ELP1: variants seen among roughly 807,000 people sequenced by gnomAD.
ELP1 encodes the protein elongator acetyltransferase complex subunit 1.
A neutral mutation model predicts 183.2 loss-of-function variants in ELP1; 131 were observed. The ratio of observed to expected loss-of-function variants is 0.72; its 90% CI spans 0.62 to 0.83. The LOEUF (loss-of-function observed/expected upper bound fraction) is 0.83. Among genes scored for constraint, ELP1 ranks in the 40% least tolerant of loss-of-function variants. ELP1 has a pLI of 0.00. For missense variants in ELP1, 1,550 were observed against 1,594.9 expected, an observed-to-expected ratio of 0.97 and a Z score of 0.48; for synonymous variants, 555 against 569.0, an observed-to-expected ratio of 0.98 and a Z score of 0.35.
intron 26 of ELP1, 107 bp downstream of exon 26, chr9:108,893,836 G>A: frequency 1.7e-6 from 2 of 1,182,624 alleles, no homozygotes; most frequent in East Asian, 2.4e-5. Flanking sequence ...GTTTTCAGGA[G>A]TGGGAAGTGA....
At chr9:108,912,570 G>A in intron 10 of ELP1, 76 bp from the exon 11 acceptor site, 2 of 1,030,158 alleles carry the variant, frequency 1.9e-6, no homozygotes, top group South Asian at 1.3e-5. Flanking sequence ...GGGGTTCAAG[G>A]GCAATCTTTT....
intron 6 of ELP1, among the ~76,000 whole-genome samples, chr9:108,921,540 C>T (rs1829646653): frequency 6.6e-6 from 1 of 151,464 alleles, no homozygotes. Flanking sequence ...CAACTATTTA[C>T]TTGGTCAAGT....
chr9:108,899,299 C>G (rs75855796), intron 20 of ELP1, among the ~76,000 whole-genome samples: 1 of 130,090 alleles, frequency 7.7e-6, no homozygotes, highest in East Asian at 2.3e-4. Flanking sequence ...GACTCTGTCT[C>G]AAAAAAAAAA....
rs180931232 is a variant in ELP1, at chr9:108,893,036, A to T, written c.2908T>A (p.Leu970Met). 34 of 1,613,978 alleles carry T rather than the reference A, an allele frequency of 2.1e-5. No homozygotes were observed. Among genetic ancestry groups the T allele is most frequent in the Middle Eastern group, 1.7e-4 (1 of 6,060 alleles). The change falls in exon 27 of 37, where the codon TTG (leucine) becomes ATG (methionine). Residue 970 changes from leucine to methionine, a missense_variant. Coordinates refer to ENST00000374647, the MANE Select transcript of ELP1 (RefSeq NM_003640.5). ...ECLNLIKDKNLYNEALKLYSP... is the reference protein window; with the variant it reads ...ECLNLIKDKNMYNEALKLYSP... The stretch of plus-strand genomic sequence containing the variant: ...TATAACTTCAGAGCTTCGTTATACA[A>T]GTTTTTATCTTTTATCAAGTTTAAG...
intron 25 of ELP1, among the ~76,000 whole-genome samples, chr9:108,896,242 G>A (rs974901206): frequency 6.6e-6 from 1 of 152,140 alleles, no homozygotes; most frequent in Non-Finnish European, 1.5e-5. Context: ...GGGCGACTGA[G>A]TGAGACTCCG....
At chr9:108,872,310 A>T (rs1037567010) in intron 36 of ELP1, among the ~76,000 whole-genome samples, 5 of 152,216 alleles carry the variant, frequency 3.3e-5, no homozygotes, top group Non-Finnish European at 7.3e-5. Context: ...TTATTACAGT[A>T]GTGCAGTACA....
chr9:108,887,041 C>T (rs1587880304), intron 29 of ELP1, among the ~76,000 whole-genome samples: 1 of 151,912 alleles, frequency 6.6e-6, no homozygotes, highest in Admixed American at 6.6e-5. Context: ...AAACCCCATC[C>T]CTACAAAAAA....
chr9:108,914,553 T>A (rs550901497), intron 10 of ELP1, among the ~76,000 whole-genome samples: 2 of 152,246 alleles, frequency 1.3e-5, no homozygotes, highest in South Asian at 4.1e-4. Flanking sequence ...TCTAACAGCA[T>A]GAGATTTAAT....
intron 13 of ELP1, 22 bp downstream of exon 13, chr9:108,908,283 C>T: frequency 1.3e-6 from 2 of 1,563,430 alleles, no homozygotes; most frequent in Non-Finnish European, 1.8e-6. Context: ...TTCCCAGAAG[C>T]CCAAGATAAT....
chr9:108,887,255 A>C (rs1828159695), intron 29 of ELP1, among the ~76,000 whole-genome samples: 1 of 152,134 alleles, frequency 6.6e-6, no homozygotes, highest in Non-Finnish European at 1.5e-5. Flanking sequence ...CAAACATGAC[A>C]CTTAATGCTA....
At chr9:108,901,330 A>C (rs1828796115) in intron 18 of ELP1, 95 bp downstream of exon 18, 1 of 915,780 alleles carries the variant, frequency 1.1e-6, no homozygotes. Context: ...ACTCCTTGAT[A>C]AAAAGCCAAA....
At position 108,869,335 on chromosome 9, in the gene ELP1, T is replaced by C. The variant is rs570159021; in HGVS notation, c.3932-153A>G. 4.6e-5 allele frequency among the ~76,000 whole-genome samples: 7 copies of C among 152,214 alleles called. No homozygotes were observed. The East Asian group carries it at 1.4e-3, about 29-fold the overall frequency. On this transcript the variant is annotated intron_variant, in intron 36 of 36. Coordinates refer to ENST00000374647, the MANE Select transcript of ELP1 (RefSeq NM_003640.5). Reference sequence around the variant, plus strand: ...TCATGTGTCTGCTACCCCTGCAACCTCCAGGTCAGAGCAAACACAACCTGG... The same window carrying C: ...TCATGTGTCTGCTACCCCTGCAACCCCCAGGTCAGAGCAAACACAACCTGG...
intron 36 of ELP1, among the ~76,000 whole-genome samples, chr9:108,871,470 G>A (rs1315388602): frequency 6.6e-6 from 1 of 152,144 alleles, no homozygotes; most frequent in Non-Finnish European, 1.5e-5. Flanking sequence ...TGTTCTCCTT[G>A]TCCAAGCCTT....
intron 4 of ELP1, 90 bp downstream of exon 4, chr9:108,927,282 G>C: frequency 9.3e-7 from 1 of 1,071,930 alleles, no homozygotes; most frequent in Non-Finnish European, 1.4e-6. Context: ...GAAATTTTTT[G>C]AAATTCAAGC....
chr9:108,927,843 T>C (rs1460162739), intron 3 of ELP1, among the ~76,000 whole-genome samples: 2 of 152,076 alleles, frequency 1.3e-5, no homozygotes, highest in Non-Finnish European at 2.9e-5. Context: ...TCAAAACAAT[T>C]GAACTCACGG....
At chr9:108,930,906 A>C in intron 2 of ELP1, 91 bp downstream of exon 2, 2 of 1,206,104 alleles carry the variant, frequency 1.7e-6, no homozygotes, top group Non-Finnish European at 2.5e-6. Flanking sequence ...ATTCAATAAG[A>C]TATAAAGAAA....
intron 13 of ELP1, among the ~76,000 whole-genome samples, chr9:108,907,986 T>C (rs1026420548): frequency 6.6e-6 from 1 of 152,224 alleles, no homozygotes; most frequent in African/African-American, 2.4e-5. Context: ...TCCCCATTTA[T>C]GTAAGAGAAT....
In ELP1 at chr9:108,934,048, G is replaced by C; in HGVS notation, c.-240C>G. On this transcript the variant is annotated 5_prime_UTR_variant, in exon 1 of 37. Coordinates refer to ENST00000374647, the MANE Select transcript of ELP1 (RefSeq NM_003640.5). ...TCCAAGGATGGAGGCGCCCTCCAGG[G>C]GAAAACGCTGAAGCGCTGCAAAGAA... 1 of 171,700 alleles carries C rather than the reference G, an allele frequency of 5.8e-6. No individual in the cohort carries two copies. The highest frequency in any genetic ancestry group is 1.1e-4 in the South Asian group (1 of 9,318). 10.6% of individuals were successfully genotyped at this position (171,700 alleles called of 1,614,324 possible).
At chr9:108,914,026 T>C (rs761146856) in intron 10 of ELP1, among the ~76,000 whole-genome samples, 3 of 152,158 alleles carry the variant, frequency 2.0e-5, no homozygotes, top group Non-Finnish European at 4.4e-5. Context: ...AGCCTGAATA[T>C]CATTTTTTTT....
Sources: gnomAD v4.1 joint callset for allele counts (sites outside exome capture counted in the v4.1 genomes callset) on GRCh38, gnomAD v4.1.1 for gene constraint, MANE v1.5 for transcripts, NCBI Gene and HGNC (gene_info 2026-07-23, HGNC 2026-07-21) for gene names.